CLNK: variants seen among roughly 807,000 people sequenced by gnomAD.
The protein encoded by CLNK is cytokine-dependent hematopoietic cell linker.
CLNK carries 74 observed loss-of-function variants against 68.6 expected under a neutral mutation model. The ratio of observed to expected loss-of-function variants is 1.08; its 90% CI spans 0.89 to 1.31. The LOEUF is 1.31. Among genes scored for constraint, CLNK ranks in the 50% most tolerant of loss-of-function variants. The pLI is 0.00. For synonymous variants in CLNK, 198 were observed against 172.2 expected (o/e 1.15, Z -1.17); for missense variants, 553 against 515.3 (o/e 1.07, Z -0.71).
intron 5 of CLNK, among the ~76,000 whole-genome samples, chr4:10,568,762 A>G (rs1343730879): frequency 6.6e-6 from 1 of 152,206 alleles, no homozygotes; most frequent in East Asian, 1.9e-4. Flanking sequence ...AGGAGAATGC[A>G]GCCCTGCCAG....
chr4:10,519,103 C>G (rs1356802696), intron 15 of CLNK, among the ~76,000 whole-genome samples: 1 of 152,138 alleles, frequency 6.6e-6, no homozygotes, highest in East Asian at 1.9e-4. Flanking sequence ...AAAACAGGAA[C>G]TAATGAAGCC....
chr4:10,625,692 A>G (rs1187558446), intron 2 of CLNK, among the ~76,000 whole-genome samples: 2 of 152,160 alleles, frequency 1.3e-5, no homozygotes, highest in Non-Finnish European at 2.9e-5. Flanking sequence ...TGACAGAGAC[A>G]GACAGGCAGA....
chr4:10,691,103 TCCAAGTAGAGGAAAC>T, the CLNK span, among the ~76,000 whole-genome samples: 1 of 152,248 alleles, frequency 6.6e-6, no homozygotes, highest in South Asian at 2.1e-4. Context: ...GGGAGAGATT[TCCAAGTAGAGGAAAC>T]CCATGAGAAG....
At chr4:10,574,244 C>G (rs1156865088) in intron 4 of CLNK, among the ~76,000 whole-genome samples, 2 of 152,220 alleles carry the variant, frequency 1.3e-5, no homozygotes, top group Admixed American at 6.5e-5. Flanking sequence ...CTGCCCCACC[C>G]TGCTCTCTGA....
chr4:10,708,345 T>C, the CLNK span, among the ~76,000 whole-genome samples: 1 of 152,224 alleles, frequency 6.6e-6, no homozygotes. Context: ...TTATGCATAT[T>C]AACTTGTTTA....
chr4:10,520,221 A>T (rs903726902), intron 15 of CLNK, among the ~76,000 whole-genome samples: 29 of 152,358 alleles, frequency 1.9e-4, no homozygotes, highest in African/African-American at 7.0e-4. Flanking sequence ...TTTATATGCC[A>T]CTTCAGACAT....
At position 10,536,761 on chromosome 4, in the gene CLNK, C is replaced by A. The variant is rs1341689251; in HGVS notation, c.602+3733G>T. Among the ~76,000 whole-genome samples the A allele has an allele frequency of 3.3e-5, 5 of 152,194 alleles. No homozygotes were observed. The East Asian group carries it at 5.8e-4, about 18-fold the overall frequency. Reference sequence around the variant, plus strand: ...TTTGGTGAAGAGATCCAGCACAATTCTCATCACATCTAAAAATGATTAAAT... The same window carrying A: ...TTTGGTGAAGAGATCCAGCACAATTATCATCACATCTAAAAATGATTAAAT... On this transcript the variant is annotated intron_variant, in intron 11 of 18. Transcript: ENST00000226951.
At chr4:10,593,624 A>G (rs1402852129) in intron 3 of CLNK, among the ~76,000 whole-genome samples, 1 of 152,202 alleles carries the variant, frequency 6.6e-6, no homozygotes, top group African/African-American at 2.4e-5. Flanking sequence ...ACTGCACTCC[A>G]CCCTGGGTGG....
chr4:10,689,945 G>A, the CLNK span, among the ~76,000 whole-genome samples: 1 of 151,750 alleles, frequency 6.6e-6, no homozygotes, highest in East Asian at 1.9e-4. Flanking sequence ...CACATGCTAT[G>A]AGCCTCCCCA....
intron 4 of CLNK, among the ~76,000 whole-genome samples, chr4:10,583,367 A>G (rs1380695485): frequency 6.6e-6 from 1 of 151,622 alleles, no homozygotes; most frequent in Admixed American, 6.6e-5. Flanking sequence ...GCTCCCTGCA[A>G]CCTCCATCTC....
chr4:10,658,753 C>G (rs940442359), intron 2 of CLNK, among the ~76,000 whole-genome samples: 2 of 152,168 alleles, frequency 1.3e-5, no homozygotes, highest in Admixed American at 6.5e-5. Flanking sequence ...ACACAGTGTC[C>G]CTTCTGTCAC....
intron 8 of CLNK, among the ~76,000 whole-genome samples, chr4:10,549,214 A>G (rs1467463090): frequency 6.6e-6 from 1 of 152,248 alleles, no homozygotes; most frequent in African/African-American, 2.4e-5. Context: ...TCACTTAATC[A>G]TTGCTTAGCT....
rs1008747017 is a variant in CLNK at position 10,489,412 on chromosome 4, G to C, written c.*1055C>G. 6.6e-6 allele frequency: 1 copy of C among 152,122 alleles called. No homozygotes were observed. The highest frequency in any genetic ancestry group is 2.4e-5 in the African/African-American group (1 of 41,428). 9.4% of individuals were successfully genotyped at this position (152,122 alleles called of 1,614,324 possible). A position where few individuals can be genotyped will look rare whatever the true frequency, so the allele number is the denominator to read the frequency against. On this transcript the variant is annotated 3_prime_UTR_variant, in exon 19 of 19. Coordinates refer to ENST00000226951, the MANE Select transcript of CLNK (RefSeq NM_052964.4). Reference sequence around the variant, plus strand: ...AATTTTTAGTTTCCCTCAGACATATGCTTGCCTGAAGGCTAGTGTAGGATA... The same window carrying C: ...AATTTTTAGTTTCCCTCAGACATATCCTTGCCTGAAGGCTAGTGTAGGATA...
rs1716488234 is a variant in CLNK, at chr4:10,489,739, T to A, written c.*728A>T. ...TGGAGTGCAGTGGCGCGATTTCGGC[T>A]CACTGCAAGCTCCGCCTCCCGGGTT... On this transcript the variant is annotated 3_prime_UTR_variant, in exon 19 of 19. Transcript: ENST00000226951. 1.4e-5 allele frequency: 1 copy of A among 69,626 alleles called. No individual in the cohort carries two copies. Among genetic ancestry groups the A allele is most frequent in the African/African-American group, 4.2e-5 (1 of 24,062 alleles). The allele number at this position is 69,626 out of a possible 1,614,324, so 4.3% of individuals were successfully genotyped here. A position where few individuals can be genotyped will look rare whatever the true frequency, so the allele number is the denominator to read the frequency against.
the CLNK span, among the ~76,000 whole-genome samples, chr4:10,704,461 A>T: frequency 4.0e-5 from 6 of 150,888 alleles, no homozygotes; most frequent in African/African-American, 1.2e-4. Flanking sequence ...TTTGAAAAAT[A>T]TTTTTTTTTT....
At chr4:10,603,676 C>T (rs1721678046) in intron 2 of CLNK, among the ~76,000 whole-genome samples, 1 of 152,220 alleles carries the variant, frequency 6.6e-6, no homozygotes, top group African/African-American at 2.4e-5. Context: ...TCAGCGGCCC[C>T]CACGGGGAAT....
intron 18 of CLNK, among the ~76,000 whole-genome samples, chr4:10,493,295 G>A (rs1401965743): frequency 6.6e-6 from 1 of 152,218 alleles, no homozygotes; most frequent in Non-Finnish European, 1.5e-5. Flanking sequence ...TCCAGCCTGG[G>A]AGACAGAAGA....
chr4:10,593,835 G>A (rs117660842), intron 3 of CLNK, among the ~76,000 whole-genome samples: 1 of 152,228 alleles, frequency 6.6e-6, no homozygotes, highest in Non-Finnish European at 1.5e-5. Context: ...ATGAGGTGAC[G>A]AATGGGAAGG....
At chr4:10,666,900 T>A (rs1049217717) in intron 2 of CLNK, among the ~76,000 whole-genome samples, 5 of 152,148 alleles carry the variant, frequency 3.3e-5, no homozygotes, top group African/African-American at 1.2e-4. Flanking sequence ...ACCGGGGCTG[T>A]CACAGCACCT....
Sources: gnomAD v4.1 joint callset for allele counts (sites outside exome capture counted in the v4.1 genomes callset) on GRCh38, gnomAD v4.1.1 for gene constraint, MANE v1.5 for transcripts, NCBI Gene and HGNC (gene_info 2026-07-23, HGNC 2026-07-21) for gene names.